The following HIBADH variants were observed in gnomAD, a reference collection of about 807,000 sequenced individuals.
HIBADH encodes the protein 3-hydroxyisobutyrate dehydrogenase, mitochondrial.
A neutral mutation model predicts 36.1 loss-of-function variants in HIBADH; 25 were observed. The ratio of observed to expected loss-of-function variants is 0.69; its 90% CI spans 0.50 to 0.97. HIBADH has a LOEUF of 0.97. Among genes scored for constraint, HIBADH ranks in the 50% least tolerant of loss-of-function variants. The pLI is 0.00. For missense variants in HIBADH, 421 were observed against 418.0 expected (o/e 1.01, Z -0.06); for synonymous variants, 160 against 149.5 (o/e 1.07, Z -0.51).
chr7:27,526,437 C>A, intron 7 of HIBADH, 65 bp from the exon 8 acceptor site: 1 of 1,290,530 alleles, frequency 7.7e-7, no homozygotes, highest in South Asian at 2.1e-5. Flanking sequence ...AACTGTGGTT[C>A]CTTATGTTTT....
chr7:27,588,896 T>A (rs777396350), intron 4 of HIBADH, among the ~76,000 whole-genome samples: 25 of 152,228 alleles, frequency 1.6e-4, no homozygotes, highest in Non-Finnish European at 3.1e-4. Context: ...GCTTTTCAAA[T>A]GCCTCATTTG....
chr7:27,657,728 T>C (rs923095134), intron 1 of HIBADH, among the ~76,000 whole-genome samples: 3 of 152,142 alleles, frequency 2.0e-5, no homozygotes, highest in Non-Finnish European at 4.4e-5. Context: ...TATCTATTGA[T>C]GGTGATAATG....
intron 2 of HIBADH, among the ~76,000 whole-genome samples, chr7:27,641,147 G>A (rs1785952881): frequency 6.6e-6 from 1 of 152,158 alleles, no homozygotes; most frequent in Non-Finnish European, 1.5e-5. Context: ...AGCTCTGCCA[G>A]AGGTCAGGCC....
intron 2 of HIBADH, among the ~76,000 whole-genome samples, chr7:27,637,251 C>T (rs1785856244): frequency 6.6e-6 from 1 of 152,128 alleles, no homozygotes; most frequent in Non-Finnish European, 1.5e-5. Flanking sequence ...AATCTGAAGT[C>T]ACACAGCTAG....
intron 4 of HIBADH, among the ~76,000 whole-genome samples, chr7:27,601,284 G>A (rs542680231): frequency 2.6e-5 from 4 of 152,020 alleles, no homozygotes; most frequent in African/African-American, 9.7e-5. Flanking sequence ...ACTACTGAAA[G>A]ATTATATATA....
chr7:27,648,045 C>A (rs1786109620), intron 2 of HIBADH, among the ~76,000 whole-genome samples: 1 of 152,198 alleles, frequency 6.6e-6, no homozygotes, highest in African/African-American at 2.4e-5. Flanking sequence ...AACAGATAAA[C>A]CACTGTAAAA....
At chr7:27,621,045 T>A (rs1189719496) in intron 4 of HIBADH, among the ~76,000 whole-genome samples, 1 of 151,492 alleles carries the variant, frequency 6.6e-6, no homozygotes, top group Non-Finnish European at 1.5e-5. Context: ...AGATATTCCA[T>A]GCAAACAGAA....
chr7:27,537,606 AAATT>A (rs1186271988), intron 6 of HIBADH, among the ~76,000 whole-genome samples: 2 of 152,160 alleles, frequency 1.3e-5, no homozygotes, highest in Non-Finnish European at 2.9e-5. Flanking sequence ...AAACATTCAA[AAATT>A]AATTAGGTGA....
At chr7:27,556,501 T>C (rs928969295) in intron 4 of HIBADH, among the ~76,000 whole-genome samples, 8 of 152,218 alleles carry the variant, frequency 5.3e-5, no homozygotes, top group Non-Finnish European at 1.2e-4. Context: ...TTCCTCATTC[T>C]AAGATTTTGA....
At position 27,526,350 on chromosome 7, in the gene HIBADH, G is replaced by A; in HGVS notation, c.875C>T (p.Ser292Phe). ...GATTGGGCTCTTTGTGCTGGTAGCAGAGTCTTGTGCCAATCCCAGATCCTA... is the reference window on the plus strand; with the variant it reads ...GATTGGGCTCTTTGTGCTGGTAGCAAAGTCTTGTGCCAATCCCAGATCCTA... ...MAKDLGLAQD[S>F]ATSTKSPILL... Residue 292 changes from serine (S) to phenylalanine (F), a missense_variant, in exon 8 of 8, where the codon TCT becomes TTT. Ser to Phe is a radical substitution (Grantham distance 155). Coordinates refer to ENST00000265395, the MANE Select transcript of HIBADH (RefSeq NM_152740.4). 1 of 1,612,968 alleles carries A rather than the reference G, an allele frequency of 6.2e-7. No individual in the cohort carries two copies. The highest frequency in any genetic ancestry group is 8.5e-7 in the Non-Finnish European group (1 of 1,179,516).
intron 4 of HIBADH, among the ~76,000 whole-genome samples, chr7:27,575,422 A>T (rs1311853180): frequency 2.6e-5 from 4 of 152,246 alleles, no homozygotes; most frequent in Non-Finnish European, 5.9e-5. Context: ...GCAGAAAATA[A>T]GAATGGAAAA....
At chr7:27,599,323 C>T (rs1785084486) in intron 4 of HIBADH, among the ~76,000 whole-genome samples, 1 of 152,106 alleles carries the variant, frequency 6.6e-6, no homozygotes, top group African/African-American at 2.4e-5. Flanking sequence ...ATAGCAGAGC[C>T]AATTAGATCA....
At chr7:27,634,341 T>A (rs998015666) in intron 2 of HIBADH, among the ~76,000 whole-genome samples, 4 of 152,202 alleles carry the variant, frequency 2.6e-5, no homozygotes, top group Admixed American at 6.5e-5. Context: ...AATTAAAAAA[T>A]TTTCCATCAA....
Position 27,569,224 on chromosome 7 carries a change from T to G in HIBADH, c.485-26124A>C, listed in dbSNP as rs1018760179. ...TTTTTTATAGCTTCTTTTTCTTAAC[T>G]GAGATTATTATTTCTTAAAGCATGG... is the stretch of plus-strand genomic sequence containing the variant. On this transcript the variant is annotated intron_variant, in intron 4 of 7. Coordinates refer to ENST00000265395, the MANE Select transcript of HIBADH (RefSeq NM_152740.4). Among the ~76,000 whole-genome samples the G allele has an allele frequency of 5.3e-5, 8 of 152,188 alleles. 1 individual carries two copies. Among genetic ancestry groups the G allele is most frequent in the Admixed American group, 3.9e-4 (6 of 15,266 alleles).
chr7:27,596,048 C>G (rs1785027498), intron 4 of HIBADH, among the ~76,000 whole-genome samples: 1 of 152,108 alleles, frequency 6.6e-6, no homozygotes, highest in African/African-American at 2.4e-5. Context: ...TTTTGTGCTC[C>G]TACAACAAAA....
chr7:27,549,758 C>T (rs924843006), intron 4 of HIBADH, among the ~76,000 whole-genome samples: 7 of 152,104 alleles, frequency 4.6e-5, no homozygotes, highest in Non-Finnish European at 7.4e-5. Flanking sequence ...ACTTACATCA[C>T]CTCATTCTAA....
intron 4 of HIBADH, among the ~76,000 whole-genome samples, chr7:27,563,968 G>A (rs1384879880): frequency 5.5e-5 from 8 of 146,308 alleles, no homozygotes; most frequent in South Asian, 2.1e-4. Flanking sequence ...GCACGATCTC[G>A]GCTCACTGTA....
At chr7:27,660,853 T>C (rs1224781988) in intron 1 of HIBADH, among the ~76,000 whole-genome samples, 2 of 152,302 alleles carry the variant, frequency 1.3e-5, no homozygotes, top group Non-Finnish European at 2.9e-5. Context: ...CCTCCCAGTT[T>C]ACAGAGGCAC....
intron 3 of HIBADH, among the ~76,000 whole-genome samples, chr7:27,631,032 C>T (rs1389367307): frequency 1.3e-5 from 2 of 152,140 alleles, no homozygotes; most frequent in Non-Finnish European, 2.9e-5. Flanking sequence ...AAGAATCACC[C>T]ATAAGAAGCA....
Sources: gnomAD v4.1 joint callset for allele counts (sites outside exome capture counted in the v4.1 genomes callset) on GRCh38, gnomAD v4.1.1 for gene constraint, MANE v1.5 for transcripts, NCBI Gene and HGNC (gene_info 2026-07-23, HGNC 2026-07-21) for gene names.